Variants in RASGRP3 observed in about 807,000 individuals in gnomAD.
The protein encoded by RASGRP3 is RAS guanyl releasing protein 3.
In RASGRP3, 54 loss-of-function variants were observed where a neutral mutation model predicts 82.7. That is an observed-to-expected ratio of 0.65 (90% CI 0.52 to 0.82). RASGRP3 has a LOEUF of 0.82. Ranked by LOEUF, RASGRP3 falls within the 40% of genes least tolerant of loss-of-function variation. RASGRP3 has a pLI of 0.00. For synonymous variants in RASGRP3, 309 were observed against 300.5 expected (o/e 1.03, Z -0.29); for missense variants, 861 against 828.9 (o/e 1.04, Z -0.48).
intron 1 of RASGRP3, among the ~76,000 whole-genome samples, chr2:33,509,797 C>T (rs1670758394): frequency 6.6e-6 from 1 of 152,202 alleles, no homozygotes; most frequent in African/African-American, 2.4e-5. Flanking sequence ...TTCTACCAGC[C>T]ACTCTAGTAT....
intron 2 of RASGRP3, among the ~76,000 whole-genome samples, chr2:33,451,141 G>A (rs1665778692): frequency 6.6e-6 from 1 of 151,908 alleles, no homozygotes; most frequent in African/African-American, 2.4e-5. Flanking sequence ...TGGGATTACA[G>A]GTGTGAGCCA....
chr2:33,523,125 G>A (rs908198680), intron 7 of RASGRP3, among the ~76,000 whole-genome samples: 2 of 151,678 alleles, frequency 1.3e-5, no homozygotes, highest in African/African-American at 4.9e-5. Context: ...CGTCTTTATT[G>A]TATACCGTTA....
chr2:33,477,374 A>G (rs993334057), intron 1 of RASGRP3, among the ~76,000 whole-genome samples: 2 of 152,192 alleles, frequency 1.3e-5, no homozygotes, highest in Non-Finnish European at 2.9e-5. Context: ...CACCTTCATT[A>G]CTTTAAAATG....
chr2:33,436,682 G>A lies in RASGRP3; in HGVS notation c.-385+91G>A, dbSNP rs145174661. 26 of 152,278 alleles carry A rather than the reference G, an allele frequency of 1.7e-4. 1 individual carries two copies. The highest frequency in any genetic ancestry group is 5.8e-4 in the African/African-American group (24 of 41,554). The allele number at this position is 152,278 out of a possible 1,614,324, so 9.4% of individuals were successfully genotyped here. On this transcript the variant is annotated intron_variant, in intron 1 of 18. Transcript: ENST00000402538. ...GCCACAGACAATGGATATGATTTGA[G>A]GTCCGATCCTCATGTAACTTTTCAA...
chr2:33,447,565 A>G (rs1574223571), intron 1 of RASGRP3, among the ~76,000 whole-genome samples: 5 of 152,046 alleles, frequency 3.3e-5, no homozygotes, highest in African/African-American at 9.6e-5. Context: ...CCTCCTGAGT[A>G]CCTGTGATTA....
chr2:33,498,190 G>A lies in RASGRP3; in HGVS notation c.-260-13520G>A, dbSNP rs115721129. ...AATAACAGCAGCTAACACTCATTGAGGGCATACTATGTGGCAGTTAATAAG... is the reference window on the plus strand; with the variant it reads ...AATAACAGCAGCTAACACTCATTGAAGGCATACTATGTGGCAGTTAATAAG... On this transcript the variant is annotated intron_variant, in intron 1 of 17. Coordinates refer to ENST00000403687, the MANE Select transcript of RASGRP3 (RefSeq NM_001139488.2). 7.8e-3 allele frequency among the ~76,000 whole-genome samples: 1,189 copies of A among 152,244 alleles called. 9 individuals are homozygous for A. Among genetic ancestry groups the A allele is most frequent in the Non-Finnish European group, 0.012 (797 of 68,012 alleles).
intron 1 of RASGRP3, among the ~76,000 whole-genome samples, chr2:33,494,596 T>A (rs1669148412): frequency 6.6e-6 from 1 of 151,946 alleles, no homozygotes. Context: ...TGGGAGAGAG[T>A]GAAACTATAT....
chr2:33,529,221 G>A (rs149082196), intron 10 of RASGRP3, among the ~76,000 whole-genome samples: 109 of 152,220 alleles, frequency 7.2e-4, no homozygotes, highest in Middle Eastern at 6.8e-3. Context: ...CTGGCTGGGC[G>A]TGGTGGCTCA....
intron 1 of RASGRP3, among the ~76,000 whole-genome samples, chr2:33,440,900 C>A (rs1333080657): frequency 2.0e-5 from 3 of 149,258 alleles, no homozygotes; most frequent in Admixed American, 1.3e-4. Flanking sequence ...GTTTTTTTTT[C>A]TTTCTTCTTC....
intron 10 of RASGRP3, among the ~76,000 whole-genome samples, chr2:33,529,557 T>C (rs1672914074): frequency 6.9e-6 from 1 of 145,650 alleles, no homozygotes; most frequent in African/African-American, 2.5e-5. Flanking sequence ...AAGAAAAAAA[T>C]TCCTTTTTGC....
At chr2:33,508,247 A>G (rs967303725) in intron 1 of RASGRP3, among the ~76,000 whole-genome samples, 4 of 152,160 alleles carry the variant, frequency 2.6e-5, no homozygotes, top group African/African-American at 9.7e-5. Flanking sequence ...ATTTTGTTTT[A>G]AATGATTTCC....
At chr2:33,483,202 C>G (rs1420452515) in intron 1 of RASGRP3, among the ~76,000 whole-genome samples, 1 of 152,064 alleles carries the variant, frequency 6.6e-6, no homozygotes, top group African/African-American at 2.4e-5. Flanking sequence ...TTTTAAGTTT[C>G]TATTTGAATA....
chr2:33,478,293 A>G (rs1328626536), intron 1 of RASGRP3, among the ~76,000 whole-genome samples: 1 of 152,072 alleles, frequency 6.6e-6, no homozygotes, highest in African/African-American at 2.4e-5. Context: ...AATAGTCCCA[A>G]CTTCTCTGTT....
At chr2:33,478,495 T>A (rs2150930249) in intron 1 of RASGRP3, among the ~76,000 whole-genome samples, 1 of 152,286 alleles carries the variant, frequency 6.6e-6, no homozygotes, top group Non-Finnish European at 1.5e-5. Flanking sequence ...GTCTCCGGAA[T>A]CATCGAGCCT....
At position 33,539,213 on chromosome 2, in the gene RASGRP3, A is replaced by T. The variant is rs779242146; in HGVS notation, c.1278+3A>T. ...AGCACATAAGGAAATTAGTGGAGGT[A>T]AGTGGTTGAGGGAGAATAAAGAGAG... On this transcript the variant is annotated splice_donor_region_variant and intron_variant, in intron 12 of 17. Transcript: ENST00000403687. 3 of 1,591,084 alleles carry T rather than the reference A, an allele frequency of 1.9e-6. No homozygotes were observed. Among genetic ancestry groups the T allele is most frequent in the Non-Finnish European group, 2.6e-6 (3 of 1,165,142 alleles).
At position 33,552,022 on chromosome 2, in the gene RASGRP3, CAAACAG is replaced by C. The variant is rs1355303110; in HGVS notation, c.1542+2273_1542+2278del. On this transcript the variant is annotated intron_variant, in intron 14 of 17. Coordinates refer to ENST00000403687, the MANE Select transcript of RASGRP3 (RefSeq NM_001139488.2). Reference sequence around the variant, plus strand: ...ACAAACAAACAAACAAACAAACAAACAAACAGAGAAACAAACTCAAGATCTTATCTC... The same window carrying C: ...ACAAACAAACAAACAAACAAACAAACAGAAACAAACTCAAGATCTTATCTC... Among the ~76,000 whole-genome samples the C allele has an allele frequency of 5.8e-3, 645 of 111,522 alleles. 3 individuals are homozygous for C. Among genetic ancestry groups the C allele is most frequent in the Middle Eastern group, 0.016 (4 of 246 alleles). 73.2% of individuals were successfully genotyped at this position (111,522 alleles called of 152,430 possible).
chr2:33,517,488 G>A (rs937128882), intron 4 of RASGRP3, among the ~76,000 whole-genome samples: 2 of 152,180 alleles, frequency 1.3e-5, no homozygotes, highest in Non-Finnish European at 2.9e-5. Context: ...ACCATCAAGT[G>A]TTATTAGGGC....
At chr2:33,485,866 CT>C (rs1162170167) in intron 1 of RASGRP3, among the ~76,000 whole-genome samples, 1 of 152,166 alleles carries the variant, frequency 6.6e-6, no homozygotes, top group Non-Finnish European at 1.5e-5. Context: ...GAAGGTTTGT[CT>C]TTTTCAGCTA....
rs759611515 is a variant in RASGRP3 at position 33,524,115 on chromosome 2, G to C, written c.690+63G>C. 2.7e-5 allele frequency: 42 copies of C among 1,548,300 alleles called. 1 individual carries two copies. The Middle Eastern group carries it at 6.8e-4, about 25-fold the overall frequency. On this transcript the variant is annotated intron_variant, in intron 8 of 17. Coordinates refer to ENST00000403687, the MANE Select transcript of RASGRP3 (RefSeq NM_001139488.2). Reference sequence around the variant, plus strand: ...ATGTTCGTTCACTCTGTTGAGAAAAGTCATTGAGGAAATGTGGCGTTCACA... The same window carrying C: ...ATGTTCGTTCACTCTGTTGAGAAAACTCATTGAGGAAATGTGGCGTTCACA...
Sources: gnomAD v4.1 joint callset for allele counts (sites outside exome capture counted in the v4.1 genomes callset) on GRCh38, gnomAD v4.1.1 for gene constraint, MANE v1.5 for transcripts, NCBI Gene and HGNC (gene_info 2026-07-23, HGNC 2026-07-21) for gene names.